The following FMN2 variants were observed in gnomAD, a reference collection of about 807,000 sequenced individuals.
FMN2 encodes formin-2.
A neutral mutation model predicts 142.3 loss-of-function variants in FMN2; 51 were observed. The ratio of observed to expected loss-of-function variants is 0.36; its 90% CI spans 0.29 to 0.45. FMN2 has a LOEUF of 0.45. FMN2 is among the 20% of genes least tolerant of loss of function. FMN2 has a pLI of 1.00. For synonymous variants in FMN2, 882 were observed against 869.8 expected, an observed-to-expected ratio of 1.01 and a Z score of -0.25; for missense variants, 1,936 against 2,122.8, an observed-to-expected ratio of 0.91 and a Z score of 1.73.
intron 15 of FMN2, among the ~76,000 whole-genome samples, chr1:240,419,038 G>T (rs1233901319): frequency 6.6e-6 from 1 of 152,208 alleles, no homozygotes; most frequent in Non-Finnish European, 1.5e-5. Context: ...ATCCCGCGAG[G>T]CGGAGGTTGC....
chr1:240,449,142 CAAA>C (rs35957230), intron 16 of FMN2, among the ~76,000 whole-genome samples: 1 of 137,504 alleles, frequency 7.3e-6, no homozygotes, highest in African/African-American at 2.7e-5. Context: ...GACCCTGTCT[CAAA>C]AAAAAAAAAA....
intron 6 of FMN2, among the ~76,000 whole-genome samples, chr1:240,230,571 G>A (rs1667499739): frequency 7.6e-6 from 1 of 131,742 alleles, no homozygotes; most frequent in South Asian, 2.3e-4. Flanking sequence ...TAATCTTTAT[G>A]TATAGTTCTG....
At chr1:240,444,749 G>A (rs2356388) in intron 16 of FMN2, among the ~76,000 whole-genome samples, 33,798 of 151,932 alleles carry the variant, frequency 0.22, 4,698 homozygotes, top group African/African-American at 0.39. Flanking sequence ...TTCTTTTTCC[G>A]TAATTTGTAT....
intron 7 of FMN2, among the ~76,000 whole-genome samples, chr1:240,269,018 ATTGTT>A (rs1320461040): frequency 3.3e-5 from 5 of 151,748 alleles, no homozygotes; most frequent in African/African-American, 1.2e-4. Context: ...TCTGCACTCT[ATTGTT>A]TTGTTTGTGT....
At chr1:240,314,031 T>C (rs1284123900) in intron 8 of FMN2, among the ~76,000 whole-genome samples, 6 of 152,160 alleles carry the variant, frequency 3.9e-5, no homozygotes, top group Admixed American at 3.9e-4. Flanking sequence ...GTACATTTTT[T>C]TTCAAATTAT....
At chr1:240,392,599 A>G (rs1259397591) in intron 15 of FMN2, 37 bp downstream of exon 15, 49 of 1,535,130 alleles carry the variant, frequency 3.2e-5, no homozygotes, top group Non-Finnish European at 4.3e-5. Context: ...GAATAGCGTT[A>G]TAACATGCTA....
intron 2 of FMN2, chr1:240,145,460 C>T (rs1227822845): frequency 3.6e-6 from 1 of 274,948 alleles, no homozygotes; most frequent in Non-Finnish European, 6.5e-6. Context: ...AAAACTTTTT[C>T]TTTAGTATTG....
At chr1:240,349,755 T>C (rs1672028255) in intron 13 of FMN2, among the ~76,000 whole-genome samples, 1 of 152,222 alleles carries the variant, frequency 6.6e-6, no homozygotes, top group Non-Finnish European at 1.5e-5. Context: ...TATAAAATCT[T>C]TTTGACTCAG....
intron 14 of FMN2, among the ~76,000 whole-genome samples, chr1:240,370,881 T>C (rs1171318761): frequency 6.6e-6 from 1 of 152,206 alleles, no homozygotes; most frequent in Non-Finnish European, 1.5e-5. Context: ...CTCATTAAAA[T>C]TTATGTTTAA....
chr1:240,425,375 G>A (rs1392551390), intron 15 of FMN2, among the ~76,000 whole-genome samples: 1 of 152,146 alleles, frequency 6.6e-6, no homozygotes, highest in Non-Finnish European at 1.5e-5. Flanking sequence ...TAGTTGGAAT[G>A]GGAAGCCTCT....
chr1:240,431,825 G>A (rs905919184), intron 15 of FMN2, among the ~76,000 whole-genome samples: 1 of 149,704 alleles, frequency 6.7e-6, no homozygotes, highest in Non-Finnish European at 1.5e-5. Context: ...AATTTGTTAT[G>A]TATTATCCAC....
intron 6 of FMN2, among the ~76,000 whole-genome samples, chr1:240,215,193 T>C (rs1666849367): frequency 6.6e-6 from 1 of 152,230 alleles, no homozygotes; most frequent in Admixed American, 6.5e-5. Flanking sequence ...TAAGGAAATA[T>C]ATTTTGGTAA....
rs1481812032 is a variant in FMN2, at chr1:240,438,166, T to A, written c.5016T>A (p.Phe1672Leu). ...TCTGGCATGAATTCAGCTCTGACTT[T>A]AAAGACTTCTGGAAGAAAGAGAACA... ...FSIWHEFSSDFKDFWKKENKL... is the reference protein window; with the variant it reads ...FSIWHEFSSDLKDFWKKENKL... Residue 1672 changes from phenylalanine (F) to leucine (L), a missense_variant, in exon 16 of 18, where the codon TTT (phenylalanine) becomes TTA (leucine). By Grantham distance (22) the Phe-to-Leu change is conservative (BLOSUM62 0). Transcript: ENST00000319653. 1 of 1,614,078 alleles carries A rather than the reference T, an allele frequency of 6.2e-7. No individual in the cohort carries two copies.
intron 2 of FMN2, among the ~76,000 whole-genome samples, chr1:240,159,795 A>G (rs1664182725): frequency 6.6e-6 from 1 of 151,390 alleles, no homozygotes; most frequent in African/African-American, 2.4e-5. Context: ...AAAAAGCCCA[A>G]GTCATGGTGG....
At position 240,207,402 on chromosome 1, in the gene FMN2, A is replaced by T; in HGVS notation, c.2590A>T (p.Thr864Ser). 6.2e-7 allele frequency: 1 copy of T among 1,613,764 alleles called. No individual in the cohort carries two copies. Among genetic ancestry groups the T allele is most frequent in the Non-Finnish European group, 8.5e-7 (1 of 1,179,846 alleles). The change falls in exon 5 of 18, where the codon ACA (threonine) becomes TCA (serine). Residue 864 changes from threonine to serine, a missense_variant. Coordinates refer to ENST00000319653, the MANE Select transcript of FMN2 (RefSeq NM_020066.5). ...CCCATCTCCACCACCTCTGCCTTGC[A>T]CAGAGTCCTCCAGCTCCATGCCTGG... ...NIPSPPPLPC[T>S]ESSSSMPGLG... is the part of the protein sequence containing the mutation.
intron 6 of FMN2, among the ~76,000 whole-genome samples, chr1:240,228,481 G>A (rs77002793): frequency 0.017 from 2,551 of 151,920 alleles, 78 homozygotes; most frequent in African/African-American, 0.059. Flanking sequence ...AAACCACAAT[G>A]CAACACCACC....
At chr1:240,420,852 C>A (rs1674737817) in intron 15 of FMN2, among the ~76,000 whole-genome samples, 1 of 152,132 alleles carries the variant, frequency 6.6e-6, no homozygotes, top group Admixed American at 6.5e-5. Context: ...TGTGCTCCTG[C>A]TGTTAGTTCA....
chr1:240,226,531 A>G (rs1191515479), intron 6 of FMN2, among the ~76,000 whole-genome samples: 1 of 152,204 alleles, frequency 6.6e-6, no homozygotes, highest in African/African-American at 2.4e-5. Flanking sequence ...AGAAACAGTA[A>G]AGAAAGTTCA....
intron 4 of FMN2, among the ~76,000 whole-genome samples, chr1:240,200,917 T>G (rs1243678849): frequency 6.6e-6 from 1 of 152,220 alleles, no homozygotes; most frequent in Non-Finnish European, 1.5e-5. Flanking sequence ...CTCTTCCACC[T>G]TCCTGGCACC....
Sources: allele counts gnomAD v4.1 joint callset (sites outside exome capture counted in the v4.1 genomes callset), GRCh38; gene constraint gnomAD v4.1.1; transcripts MANE v1.5; gene names NCBI Gene and HGNC (gene_info 2026-07-23, HGNC 2026-07-21).